Variants in TMEM135 observed in about 807,000 individuals in gnomAD.
The protein encoded by TMEM135 is transmembrane protein 135, also known as peroxisomal membrane protein 52.
TMEM135 carries 30 observed loss-of-function variants against 60.3 expected under a neutral mutation model. The observed-to-expected ratio is 0.50, with a 90% confidence interval of 0.37 to 0.68. The LOEUF (loss-of-function observed/expected upper bound fraction) is 0.68. Among genes scored for constraint, TMEM135 ranks in the 30% least tolerant of loss-of-function variants. TMEM135 has a pLI of 0.00. For synonymous variants in TMEM135, 190 were observed against 186.7 expected, an observed-to-expected ratio of 1.02 and a Z score of -0.14; for missense variants, 468 against 548.8, an observed-to-expected ratio of 0.85 and a Z score of 1.47.
intron 6 of TMEM135, chr11:87,258,701 C>T (rs1565144784): frequency 7.2e-5 from 27 of 373,816 alleles, no homozygotes; most frequent in South Asian, 6.3e-4. Context: ...TAAGTCTCTT[C>T]ATGAGACAAT....
chr11:87,103,778 C>A (rs1186825215), intron 4 of TMEM135, among the ~76,000 whole-genome samples: 2 of 152,028 alleles, frequency 1.3e-5, no homozygotes, highest in African/African-American at 4.8e-5. Context: ...CCCATAACTT[C>A]TTGAGTAGCT....
At chr11:87,133,294 C>T (rs1455324600) in intron 4 of TMEM135, among the ~76,000 whole-genome samples, 2 of 152,108 alleles carry the variant, frequency 1.3e-5, no homozygotes, top group East Asian at 3.9e-4. Context: ...CAATTCAATA[C>T]GTTTTGACAT....
chr11:87,054,069 A>T (rs1404206889), intron 1 of TMEM135, among the ~76,000 whole-genome samples: 1 of 152,222 alleles, frequency 6.6e-6, no homozygotes, highest in Non-Finnish European at 1.5e-5. Flanking sequence ...CCTCATAATT[A>T]TACTTGAGGG....
chr11:87,273,667 A>G (rs1376665035), intron 6 of TMEM135, among the ~76,000 whole-genome samples: 1 of 152,212 alleles, frequency 6.6e-6, no homozygotes, highest in African/African-American at 2.4e-5. Flanking sequence ...CCCAAGGGAA[A>G]GAGAGAAAGG....
intron 3 of TMEM135, among the ~76,000 whole-genome samples, chr11:87,076,954 A>G (rs1373565596): frequency 2.6e-5 from 4 of 152,240 alleles, no homozygotes; most frequent in Non-Finnish European, 4.4e-5. Context: ...GGAAGTTGAC[A>G]TTACTGTCAA....
intron 6 of TMEM135, among the ~76,000 whole-genome samples, chr11:87,274,681 C>T (rs968173522): frequency 6.6e-6 from 1 of 151,622 alleles, no homozygotes; most frequent in Non-Finnish European, 1.5e-5. Flanking sequence ...ATCATTTGAG[C>T]CAGGTGTGGT....
In TMEM135 at chr11:87,321,238, G is replaced by A; in HGVS notation, c.1282G>A (p.Gly428Ser). Reference protein sequence around the residue: ...VMNRKVLDVFGTGASKHFQDF... With the variant: ...VMNRKVLDVFSTGASKHFQDF... ...GAACCGAAAAGTCCTTGATGTTTTT[G>A]GTACTGGTGCATCTAAACACTTTCA... Residue 428 changes from glycine (G) to serine (S), a missense_variant, in exon 15 of 15, where the codon GGT (glycine) becomes AGT (serine). Coordinates refer to ENST00000305494, the MANE Select transcript of TMEM135 (RefSeq NM_022918.4). 6.2e-7 allele frequency: 1 copy of A among 1,613,378 alleles called. No individual in the cohort carries two copies. The highest frequency in any genetic ancestry group is 8.5e-7 in the Non-Finnish European group (1 of 1,179,556).
chr11:87,244,963 T>C (rs1941230507), intron 6 of TMEM135, among the ~76,000 whole-genome samples: 1 of 151,854 alleles, frequency 6.6e-6, no homozygotes, highest in Non-Finnish European at 1.5e-5. Flanking sequence ...TTTTGGATCT[T>C]TCCTGTTTTC....
chr11:87,314,789 G>A (rs537597068), intron 12 of TMEM135, among the ~76,000 whole-genome samples: 1 of 151,872 alleles, frequency 6.6e-6, no homozygotes, highest in Non-Finnish European at 1.5e-5. Context: ...ACAGTTATCA[G>A]TATTTGGCCA....
intron 5 of TMEM135, among the ~76,000 whole-genome samples, chr11:87,230,114 C>A (rs529836977): frequency 1.3e-5 from 2 of 152,110 alleles, no homozygotes; most frequent in South Asian, 4.1e-4. Flanking sequence ...TTAGTAGTTC[C>A]TCTCCATCAC....
intron 5 of TMEM135, among the ~76,000 whole-genome samples, chr11:87,233,650 G>A (rs1193787251): frequency 6.6e-6 from 1 of 152,052 alleles, no homozygotes; most frequent in Admixed American, 6.6e-5. Flanking sequence ...CACGTGTCCA[G>A]TAACTACAGT....
At chr11:87,075,263 A>T (rs927562679) in intron 3 of TMEM135, among the ~76,000 whole-genome samples, 16 of 151,302 alleles carry the variant, frequency 1.1e-4, no homozygotes, top group Admixed American at 2.6e-4. Context: ...GGTTCACGCC[A>T]TTCTCTTGCC....
intron 5 of TMEM135, among the ~76,000 whole-genome samples, chr11:87,212,287 C>T (rs1251682917): frequency 2.0e-5 from 3 of 151,838 alleles, no homozygotes; most frequent in South Asian, 2.1e-4. Flanking sequence ...GAATACCTCT[C>T]GCCCCAATTG....
intron 5 of TMEM135, among the ~76,000 whole-genome samples, chr11:87,205,211 C>G (rs7927612): frequency 0.18 from 26,733 of 151,934 alleles, 3,228 homozygotes; most frequent in African/African-American, 0.34. Flanking sequence ...GAAGATGGCT[C>G]TAAATAAGAC....
chr11:87,191,755 G>C (rs2135317416), intron 5 of TMEM135, among the ~76,000 whole-genome samples: 1 of 152,072 alleles, frequency 6.6e-6, no homozygotes, highest in African/African-American at 2.4e-5. Context: ...GTTTCTTTTT[G>C]ACTGCCTTGT....
At chr11:87,224,757 G>C (rs1488280168) in intron 5 of TMEM135, among the ~76,000 whole-genome samples, 1 of 61,892 alleles carries the variant, frequency 1.6e-5, no homozygotes, top group Non-Finnish European at 3.1e-5. Context: ...AATGACATGT[G>C]AGTTTTTTTT....
intron 6 of TMEM135, among the ~76,000 whole-genome samples, chr11:87,286,988 CAG>C (rs1942178309): frequency 6.6e-6 from 1 of 152,068 alleles, no homozygotes; most frequent in African/African-American, 2.4e-5. Flanking sequence ...CTGATATAAT[CAG>C]AATAGAATAG....
chr11:87,306,857 G>A (rs554723740), intron 9 of TMEM135, among the ~76,000 whole-genome samples: 54 of 151,974 alleles, frequency 3.6e-4, no homozygotes, highest in Admixed American at 2.0e-4. Context: ...TAGCTGGGAT[G>A]ATTGCAGGCA....
At chr11:87,046,425 G>C (rs904718515) in intron 1 of TMEM135, among the ~76,000 whole-genome samples, 1 of 152,150 alleles carries the variant, frequency 6.6e-6, no homozygotes, top group Non-Finnish European at 1.5e-5. Context: ...AACAAACCCA[G>C]TAACTCAGTT....
Sources: gnomAD v4.1 joint callset for allele counts (sites outside exome capture counted in the v4.1 genomes callset) on GRCh38, gnomAD v4.1.1 for gene constraint, MANE v1.5 for transcripts, NCBI Gene and HGNC (gene_info 2026-07-23, HGNC 2026-07-21) for gene names.